MARCHF1: variants seen among roughly 807,000 people sequenced by gnomAD.
MARCHF1 encodes the protein membrane associated ring-CH-type finger 1.
Under a neutral mutation model 54.2 loss-of-function variants are expected in MARCHF1, and 40 were observed. That is an observed-to-expected ratio of 0.74 (90% confidence interval 0.57 to 0.96). MARCHF1 has a LOEUF of 0.96. Ranked by LOEUF, MARCHF1 falls within the 40% of genes least tolerant of loss-of-function variation. MARCHF1 has a pLI of 0.00. For synonymous variants in MARCHF1, 236 were observed against 236.3 expected (o/e 1.00, Z 0.01); for missense variants, 586 against 656.5 (o/e 0.89, Z 1.17).
intron 4 of MARCHF1, among the ~76,000 whole-genome samples, chr4:163,792,336 T>C (rs958458065): frequency 6.6e-6 from 1 of 152,196 alleles, no homozygotes; most frequent in Non-Finnish European, 1.5e-5. Context: ...TAAATGGTCA[T>C]CTTAATTTTG....
At chr4:164,065,470 C>G (rs1052895623) in intron 2 of MARCHF1, among the ~76,000 whole-genome samples, 1 of 152,126 alleles carries the variant, frequency 6.6e-6, no homozygotes, top group Non-Finnish European at 1.5e-5. Flanking sequence ...AGCTTCCACA[C>G]AGTGAAAGAA....
At chr4:164,013,934 G>C (rs1272278006) in intron 2 of MARCHF1, among the ~76,000 whole-genome samples, 1 of 152,064 alleles carries the variant, frequency 6.6e-6, no homozygotes, top group Non-Finnish European at 1.5e-5. Context: ...GGAGGCCAAG[G>C]CAGGTGGATC....
intron 8 of MARCHF1, among the ~76,000 whole-genome samples, chr4:163,551,932 T>G (rs1739120306): frequency 1.3e-5 from 2 of 152,194 alleles, no homozygotes; most frequent in African/African-American, 2.4e-5. Context: ...GTCTCAGGTA[T>G]GTCTTTATGA....
intron 8 of MARCHF1, among the ~76,000 whole-genome samples, chr4:163,582,090 CAGATCTGA>C (rs1740250804): frequency 6.6e-6 from 1 of 152,130 alleles, no homozygotes; most frequent in Admixed American, 6.5e-5. Context: ...AGGAGTAACT[CAGATCTGA>C]ACTCCATGCA....
intron 7 of MARCHF1, among the ~76,000 whole-genome samples, chr4:163,591,059 T>C (rs1740574181): frequency 6.6e-6 from 1 of 151,246 alleles, no homozygotes; most frequent in South Asian, 2.1e-4. Context: ...TAATCAATTA[T>C]TTCATATGAT....
chr4:164,123,662 C>A (rs1756122914), intron 1 of MARCHF1, among the ~76,000 whole-genome samples: 1 of 152,074 alleles, frequency 6.6e-6, no homozygotes, highest in African/African-American at 2.4e-5. Context: ...ACAGTGAACT[C>A]ATTTTTGACA....
At chr4:163,755,264 G>C (rs923715303) in intron 4 of MARCHF1, among the ~76,000 whole-genome samples, 1 of 152,146 alleles carries the variant, frequency 6.6e-6, no homozygotes, top group Non-Finnish European at 1.5e-5. Context: ...TATGTACAGG[G>C]AGATTGCTGC....
chr4:164,031,558 C>T (rs1753878736), intron 2 of MARCHF1, among the ~76,000 whole-genome samples: 1 of 151,936 alleles, frequency 6.6e-6, no homozygotes, highest in South Asian at 2.1e-4. Context: ...TGAATTTTAT[C>T]AAAGGCCTTT....
At chr4:164,042,429 G>A (rs1392263019) in intron 2 of MARCHF1, among the ~76,000 whole-genome samples, 4 of 152,144 alleles carry the variant, frequency 2.6e-5, no homozygotes, top group African/African-American at 9.7e-5. Flanking sequence ...AAAAGGGAGA[G>A]AGAGCAAAGA....
intron 7 of MARCHF1, among the ~76,000 whole-genome samples, chr4:163,600,819 T>C (rs111733621): frequency 5.6e-4 from 85 of 152,278 alleles, no homozygotes; most frequent in Non-Finnish European, 1.2e-3. Flanking sequence ...ACTTGTTGGG[T>C]AACCTTCAGG....
At chr4:163,619,039 C>A (rs940244613) in intron 5 of MARCHF1, among the ~76,000 whole-genome samples, 1 of 152,018 alleles carries the variant, frequency 6.6e-6, no homozygotes, top group African/African-American at 2.4e-5. Context: ...AGAGAGAAGA[C>A]GTCTTGGTAT....
At chr4:163,566,325 C>T (rs1739644980) in intron 8 of MARCHF1, among the ~76,000 whole-genome samples, 1 of 152,140 alleles carries the variant, frequency 6.6e-6, no homozygotes, top group African/African-American at 2.4e-5. Context: ...TCTTTCCTGA[C>T]TTGAAGATTG....
chr4:164,374,779 A>G (rs1324442447), intron 1 of MARCHF1, among the ~76,000 whole-genome samples: 1 of 152,134 alleles, frequency 6.6e-6, no homozygotes, highest in Non-Finnish European at 1.5e-5. Flanking sequence ...ATACTTGTTT[A>G]TCCATTTATT....
chr4:164,047,192 G>A (rs1433682678), intron 2 of MARCHF1, among the ~76,000 whole-genome samples: 1 of 152,114 alleles, frequency 6.6e-6, no homozygotes, highest in Non-Finnish European at 1.5e-5. Flanking sequence ...CTCAGGCAAT[G>A]CTTCTGAAAG....
chr4:163,986,159 C>T lies in MARCHF1; in HGVS notation c.-39+2342G>A, dbSNP rs1279239911. Reference sequence around the variant, plus strand: ...AGAAGCATTTGAAACATTATAAGTGCTTCCCTTTCTGATATTCAGAACTGT... The same window carrying T: ...AGAAGCATTTGAAACATTATAAGTGTTTCCCTTTCTGATATTCAGAACTGT... On this transcript the variant is annotated intron_variant, in intron 3 of 9. Coordinates refer to ENST00000514618, the MANE Select transcript of MARCHF1 (RefSeq NM_001394959.1). Among the ~76,000 whole-genome samples the T allele has an allele frequency of 2.7e-5, 4 of 149,672 alleles. No homozygotes were observed. In the East Asian group the frequency reaches 5.9e-4, roughly 22 times the overall value.
At chr4:164,043,894 C>A (rs2111026163) in intron 2 of MARCHF1, among the ~76,000 whole-genome samples, 1 of 152,292 alleles carries the variant, frequency 6.6e-6, no homozygotes, top group East Asian at 1.9e-4. Flanking sequence ...CTCTTGAGTT[C>A]AAAGTTTCAC....
intron 2 of MARCHF1, among the ~76,000 whole-genome samples, chr4:164,014,349 A>G (rs1753492703): frequency 6.6e-6 from 1 of 152,198 alleles, no homozygotes; most frequent in African/African-American, 2.4e-5. Flanking sequence ...TAATTTGTAT[A>G]AAATGTTATT....
At chr4:164,255,104 A>C (rs1423663374) in intron 1 of MARCHF1, among the ~76,000 whole-genome samples, 1 of 152,170 alleles carries the variant, frequency 6.6e-6, no homozygotes, top group Non-Finnish European at 1.5e-5. Context: ...AAAACTGGTG[A>C]AATCTGTAGC....
intron 4 of MARCHF1, among the ~76,000 whole-genome samples, chr4:163,761,862 G>A (rs1746836256): frequency 6.6e-6 from 1 of 152,136 alleles, no homozygotes; most frequent in Non-Finnish European, 1.5e-5. Flanking sequence ...AGTATTGAAT[G>A]TATTTGTTTA....
Sources: gnomAD v4.1 joint callset for allele counts (sites outside exome capture counted in the v4.1 genomes callset) on GRCh38, gnomAD v4.1.1 for gene constraint, MANE v1.5 for transcripts, NCBI Gene and HGNC (gene_info 2026-07-23, HGNC 2026-07-21) for gene names.